The following RBPJ variants were observed in gnomAD, a reference collection of about 807,000 sequenced individuals.
The protein encoded by RBPJ is recombining binding protein suppressor of hairless.
In RBPJ, 9 loss-of-function variants were observed where a neutral mutation model predicts 67.8. The observed-to-expected ratio is 0.13, with a 90% confidence interval of 0.08 to 0.23. RBPJ has a LOEUF of 0.23. Ranked by LOEUF, RBPJ falls within the 10% of genes least tolerant of loss-of-function variation. The pLI is 1.00. For missense variants in RBPJ, 305 were observed against 595.6 expected, an observed-to-expected ratio of 0.51 and a Z score of 5.08; for synonymous variants, 198 against 203.3, an observed-to-expected ratio of 0.97 and a Z score of 0.22.
intron 1 of RBPJ, among the ~76,000 whole-genome samples, chr4:26,363,195 A>G (rs1488095543): frequency 6.6e-6 from 1 of 152,126 alleles, no homozygotes; most frequent in Non-Finnish European, 1.5e-5. Flanking sequence ...GCTGGAGTGC[A>G]GTGGCACTAT....
intron 3 of RBPJ, among the ~76,000 whole-genome samples, chr4:26,413,985 GTGGGTATATAT>G (rs1734294147): frequency 6.6e-6 from 1 of 152,164 alleles, no homozygotes; most frequent in East Asian, 1.9e-4. Context: ...GTGAGTGTGA[GTGGGTATATAT>G]ACACTAGTGG....
intron 1 of RBPJ, among the ~76,000 whole-genome samples, chr4:26,377,317 A>G (rs962564002): frequency 6.6e-6 from 1 of 152,214 alleles, no homozygotes; most frequent in Admixed American, 6.5e-5. Context: ...CAGGATTTCA[A>G]TTTAAGCAAC....
intron 1 of RBPJ, among the ~76,000 whole-genome samples, chr4:26,253,303 A>ATTTCTTT (rs1720173852): frequency 7.5e-6 from 1 of 133,186 alleles, no homozygotes; most frequent in African/African-American, 2.8e-5. Flanking sequence ...TTAATCTGCT[A>ATTTCTTT]TTTCTTTTTT....
chr4:26,335,929 A>G (rs569423503), intron 1 of RBPJ, among the ~76,000 whole-genome samples: 1 of 152,192 alleles, frequency 6.6e-6, no homozygotes, highest in Non-Finnish European at 1.5e-5. Context: ...GGCAATGCTT[A>G]CTTCTTTAGT....
the RBPJ span, among the ~76,000 whole-genome samples, chr4:26,125,602 T>C: frequency 4.6e-5 from 7 of 151,994 alleles, no homozygotes; most frequent in South Asian, 4.1e-4. Flanking sequence ...AGTTCAAGAT[T>C]AGCCTGGCCA....
intron 1 of RBPJ, among the ~76,000 whole-genome samples, chr4:26,324,121 G>C (rs192026506): frequency 3.3e-5 from 5 of 152,286 alleles, no homozygotes; most frequent in African/African-American, 1.2e-4. Flanking sequence ...GGATTGCTGT[G>C]CCTTAAGATT....
Position 26,338,666 on chromosome 4 carries a change from C to T in RBPJ, c.20+17618C>T, listed in dbSNP as rs112140149. The stretch of plus-strand genomic sequence containing the variant: ...TCTTGGCTCCCTGAAACCTCTGCCT[C>T]CCAGGTTTAAACAGTTCTCTGCCTC... On this transcript the variant is annotated intron_variant, in intron 1 of 10. Transcript: ENST00000355476. 3.0e-3 allele frequency among the ~76,000 whole-genome samples: 454 copies of T among 151,332 alleles called. 1 individual carries two copies. Among genetic ancestry groups the T allele is most frequent in the African/African-American group, 0.011 (437 of 41,226 alleles).
chr4:26,209,700 T>C (rs1473283201), intron 1 of RBPJ, among the ~76,000 whole-genome samples: 1 of 139,544 alleles, frequency 7.2e-6, no homozygotes, highest in African/African-American at 2.7e-5. Context: ...CCTCCTTCCC[T>C]CTCTCCCTCC....
intron 1 of RBPJ, among the ~76,000 whole-genome samples, chr4:26,332,210 T>A (rs1332935355): frequency 6.6e-6 from 1 of 151,988 alleles, no homozygotes; most frequent in East Asian, 1.9e-4. Context: ...GCCATGTCAC[T>A]ATTGTAATGT....
At chr4:26,322,732 A>G (rs1326375379) in intron 1 of RBPJ, 2 of 152,070 alleles carry the variant, frequency 1.3e-5, no homozygotes, top group Admixed American at 6.6e-5. Context: ...TCCTAGTGTT[A>G]AAGAACCCTT....
At chr4:26,314,861 T>A (rs909315557), upstream of RBPJ, among the ~76,000 whole-genome samples, 2 of 152,050 alleles carry the variant, frequency 1.3e-5, no homozygotes, top group African/African-American at 4.8e-5. Flanking sequence ...CATGAAGATA[T>A]CTATGCCAGG....
intron 1 of RBPJ, among the ~76,000 whole-genome samples, chr4:26,185,142 A>G (rs77595055): frequency 1.1e-4 from 1 of 8,886 alleles, no homozygotes; most frequent in South Asian, 7.1e-3. Flanking sequence ...ACTCTGTCTA[A>G]AAAAAAAAAA....
At position 26,424,710 on chromosome 4, in the gene RBPJ, G is replaced by A; in HGVS notation, c.714G>A (p.Val238=). 23 of 1,613,122 alleles carry A rather than the reference G, an allele frequency of 1.4e-5. No individual in the cohort carries two copies. Among genetic ancestry groups the A allele is most frequent in the Non-Finnish European group, 2.0e-5 (23 of 1,179,376 alleles). ...YIHYGQTVKL[V]CSVTGMALPR... ...ATTATGGACAAACAGTCAAACTTGTGTGCTCAGTTACTGGCATGGCACTCC... is the reference window on the plus strand; with the variant it reads ...ATTATGGACAAACAGTCAAACTTGTATGCTCAGTTACTGGCATGGCACTCC... Residue 238 remains valine (V), a synonymous_variant, in exon 7 of 11, where the codon GTG becomes GTA. Transcript: ENST00000355476. This position sits in a 1 kb window ranked among gnomAD's most constrained non-coding sequence, Gnocchi z 5.3.
At chr4:26,242,242 T>C (rs1439587830) in intron 1 of RBPJ, among the ~76,000 whole-genome samples, 1 of 151,858 alleles carries the variant, frequency 6.6e-6, no homozygotes, top group Non-Finnish European at 1.5e-5. Context: ...GGTCAGGAGA[T>C]CGAGACCATC....
At chr4:26,275,229 C>T (rs369812041) in intron 1 of RBPJ, among the ~76,000 whole-genome samples, 28 of 152,174 alleles carry the variant, frequency 1.8e-4, no homozygotes, top group Admixed American at 1.8e-3. Context: ...CACTGCTGTC[C>T]CCTGACTTCT....
intron 1 of RBPJ, among the ~76,000 whole-genome samples, chr4:26,300,316 G>A (rs1198908099): frequency 6.6e-6 from 1 of 152,134 alleles, no homozygotes; most frequent in Non-Finnish European, 1.5e-5. Flanking sequence ...TTTTATAACT[G>A]GCATTCAGAA....
chr4:26,312,463 C>G (rs1722465432), intron 1 of RBPJ, among the ~76,000 whole-genome samples: 1 of 152,252 alleles, frequency 6.6e-6, no homozygotes, highest in Middle Eastern at 3.4e-3. Context: ...GCTTAGAATG[C>G]CTTTCCCTAT....
At chr4:26,333,080 A>G (rs1295940177) in intron 1 of RBPJ, among the ~76,000 whole-genome samples, 1 of 152,194 alleles carries the variant, frequency 6.6e-6, no homozygotes, top group Non-Finnish European at 1.5e-5. Context: ...GTCCACTTAT[A>G]TGTGGATTTT....
At chr4:26,194,943 C>T (rs1453172392) in intron 1 of RBPJ, among the ~76,000 whole-genome samples, 6 of 152,192 alleles carry the variant, frequency 3.9e-5, no homozygotes, top group Admixed American at 3.9e-4. Context: ...GCCCAGGTTC[C>T]TGTATGGTGA....
Sources: gnomAD v4.1 joint callset for allele counts (sites outside exome capture counted in the v4.1 genomes callset) on GRCh38, gnomAD v4.1.1 for gene constraint, Gnocchi (gnomAD v3.1) non-coding constraint, MANE v1.5 for transcripts, NCBI Gene and HGNC (gene_info 2026-07-23, HGNC 2026-07-21) for gene names.